Variants in TMPRSS2 observed in about 807,000 individuals in gnomAD.
TMPRSS2 encodes transmembrane protease serine 2.
Under a neutral mutation model 67.4 loss-of-function variants are expected in TMPRSS2, and 59 were observed. That is an observed-to-expected ratio of 0.88 (90% CI 0.71 to 1.09). The LOEUF (loss-of-function observed/expected upper bound fraction) is 1.09, where lower values mean the gene tolerates loss of function less well. TMPRSS2 is among the 50% of genes least tolerant of loss of function. TMPRSS2 has a pLI of 0.00. For missense variants in TMPRSS2, 668 were observed against 642.7 expected (o/e 1.04, Z -0.43); for synonymous variants, 257 against 257.0 (o/e 1.00, Z 0.00).
Position 41,470,532 on chromosome 21 carries a change from C to T in TMPRSS2, c.1171+116G>A, listed in dbSNP as rs970882791. 6.1e-6 allele frequency: 6 copies of T among 982,500 alleles called. No individual in the cohort carries two copies. In the African/African-American group the frequency reaches 9.7e-5, roughly 16 times the overall value. The allele number at this position is 982,500 out of a possible 1,614,324, so 60.9% of individuals were successfully genotyped here. Reference sequence around the variant, plus strand: ...AGGCACAAGGACTGGGGGAATCAACCAAAGTCATCCAGTCATTGAGTAGTA... The same window carrying T: ...AGGCACAAGGACTGGGGGAATCAACTAAAGTCATCCAGTCATTGAGTAGTA... On this transcript the variant is annotated intron_variant, in intron 11 of 13. Coordinates refer to ENST00000332149, the MANE Select transcript of TMPRSS2 (RefSeq NM_005656.4).
rs148304071 is a variant in TMPRSS2 at position 41,491,242 on chromosome 21, C to T, written c.239-1649G>A. Among the ~76,000 whole-genome samples, 42 of 150,762 alleles carry T rather than the reference C, an allele frequency of 2.8e-4. No individual in the cohort carries two copies. In the East Asian group the frequency reaches 6.4e-3, roughly 23 times the overall value. ...CACAATCATGGCTCACTGCAGCCTC[C>T]ACCTCCTGAGCTCAAGCCATCTTTC... On this transcript the variant is annotated intron_variant, in intron 3 of 13. Coordinates refer to ENST00000332149, the MANE Select transcript of TMPRSS2 (RefSeq NM_005656.4).
chr21:41,504,373 G>A (rs984188634), intron 1 of TMPRSS2, among the ~76,000 whole-genome samples: 2 of 152,140 alleles, frequency 1.3e-5, no homozygotes, highest in African/African-American at 2.4e-5. Flanking sequence ...TCACCTCCAG[G>A]AGGATGAAAA....
At chr21:41,505,071 C>T (rs887403365) in intron 1 of TMPRSS2, among the ~76,000 whole-genome samples, 1 of 152,050 alleles carries the variant, frequency 6.6e-6, no homozygotes, top group African/African-American at 2.4e-5. Context: ...AGGGAGCTCT[C>T]CCTGCCCTCA....
chr21:41,473,852 G>A (rs918729021), intron 8 of TMPRSS2, among the ~76,000 whole-genome samples: 3 of 148,840 alleles, frequency 2.0e-5, no homozygotes, highest in African/African-American at 5.0e-5. Flanking sequence ...GAAGATGGGA[G>A]GGGCAGGGCT....
At chr21:41,484,793 A>C (rs2091283078) in intron 5 of TMPRSS2, among the ~76,000 whole-genome samples, 1 of 152,092 alleles carries the variant, frequency 6.6e-6, no homozygotes, top group Non-Finnish European at 1.5e-5. Context: ...GAAAACCTTA[A>C]GGTCCACCAA....
At chr21:41,491,829 T>A (rs1479908827) in intron 3 of TMPRSS2, among the ~76,000 whole-genome samples, 1 of 152,200 alleles carries the variant, frequency 6.6e-6, no homozygotes, top group Non-Finnish European at 1.5e-5. Flanking sequence ...CAGCGCGTGG[T>A]CAGTACAGAC....
At chr21:41,488,248 G>A in intron 5 of TMPRSS2, 146 bp downstream of exon 5, 1 of 991,568 alleles carries the variant, frequency 1.0e-6, no homozygotes, top group South Asian at 2.0e-5. Context: ...CTGAGCCCCA[G>A]GGCTCAGCCT....
intron 1 of TMPRSS2, among the ~76,000 whole-genome samples, chr21:41,505,710 C>G (rs953042350): frequency 3.9e-5 from 6 of 152,186 alleles, no homozygotes; most frequent in African/African-American, 1.4e-4. Context: ...AATCAGGATT[C>G]CGGGCGCCTT....
intron 2 of TMPRSS2, among the ~76,000 whole-genome samples, chr21:41,495,915 TAA>T (rs35393183): frequency 9.5e-4 from 136 of 142,968 alleles, no homozygotes; most frequent in African/African-American, 2.4e-3. Flanking sequence ...TCTTTAAAAT[TAA>T]AAAAAAAAAA....
At chr21:41,466,406 T>TC (rs1438245054) in intron 13 of TMPRSS2, among the ~76,000 whole-genome samples, 2 of 152,160 alleles carry the variant, frequency 1.3e-5, no homozygotes, top group African/African-American at 2.4e-5. Flanking sequence ...AGTCTGGGCC[T>TC]CCCCCGGCTG....
chr21:41,489,501 A>C lies in TMPRSS2; in HGVS notation c.325+6T>G, dbSNP rs777287217. On this transcript the variant is annotated splice_donor_region_variant and intron_variant, in intron 4 of 13. Coordinates refer to ENST00000332149, the MANE Select transcript of TMPRSS2 (RefSeq NM_005656.4). ...ACATGGTGGGATCGAGGCTCCCTGC[A>C]CTTACTGAACTTCCAGAGTAGGCCA... 8 of 1,613,664 alleles carry C rather than the reference A, an allele frequency of 5.0e-6. No homozygotes were observed. The African/African-American group carries it at 1.1e-4, about 22-fold the overall frequency.
intron 13 of TMPRSS2, among the ~76,000 whole-genome samples, chr21:41,466,737 A>G (rs1050595760): frequency 6.6e-6 from 1 of 152,242 alleles, no homozygotes; most frequent in Non-Finnish European, 1.5e-5. Flanking sequence ...CTCCTTCAAC[A>G]GACTGGGCAT....
At chr21:41,498,006 C>T in intron 2 of TMPRSS2, 113 bp downstream of exon 2, 1 of 783,996 alleles carries the variant, frequency 1.3e-6, no homozygotes, top group Admixed American at 2.2e-5. Context: ...TCAGCGTGGC[C>T]CGGCGTTCCC....
intron 1 of TMPRSS2, among the ~76,000 whole-genome samples, chr21:41,498,633 A>G (rs2091402942): frequency 6.6e-6 from 1 of 152,210 alleles, no homozygotes; most frequent in African/African-American, 2.4e-5. Context: ...GGAAGCTGTG[A>G]TATCCCCTAT....
At chr21:41,473,107 C>T (rs895931203) in intron 9 of TMPRSS2, among the ~76,000 whole-genome samples, 1 of 152,198 alleles carries the variant, frequency 6.6e-6, no homozygotes, top group Non-Finnish European at 1.5e-5. Flanking sequence ...TCCACCTGCA[C>T]CCTGTGCCCT....
intron 2 of TMPRSS2, among the ~76,000 whole-genome samples, chr21:41,495,892 A>G (rs1441933211): frequency 1.3e-5 from 2 of 150,918 alleles, no homozygotes; most frequent in Non-Finnish European, 2.9e-5. Context: ...AGTTTGCCCA[A>G]TGGGCTATGT....
At chr21:41,484,041 C>A (rs1006569708) in intron 5 of TMPRSS2, among the ~76,000 whole-genome samples, 1 of 152,040 alleles carries the variant, frequency 6.6e-6, no homozygotes, top group African/African-American at 2.4e-5. Context: ...ATGGATTGAG[C>A]CCAGGAGGTC....
intron 8 of TMPRSS2, 77 bp downstream of exon 8, chr21:41,476,500 C>CA: frequency 6.9e-7 from 1 of 1,456,432 alleles, no homozygotes; most frequent in Non-Finnish European, 9.6e-7. Context: ...CCCCCAGAGA[C>CA]ACAGGGAGTA....
chr21:41,481,559 G>A (rs2091256994), intron 5 of TMPRSS2, among the ~76,000 whole-genome samples: 1 of 152,026 alleles, frequency 6.6e-6, no homozygotes, highest in Admixed American at 6.6e-5. Context: ...TGACTGTGGT[G>A]ATAGTTGCAC....
Sources: allele counts gnomAD v4.1 joint callset (sites outside exome capture counted in the v4.1 genomes callset), GRCh38; gene constraint gnomAD v4.1.1; transcripts MANE v1.5; gene names NCBI Gene and HGNC (gene_info 2026-07-23, HGNC 2026-07-21).